The following GALNT13 variants were observed in gnomAD, a reference collection of about 807,000 sequenced individuals.
GALNT13 encodes the protein UDP-GalNAc:polypeptide N-acetylgalactosaminyltransferase 13.
In GALNT13, 28 loss-of-function variants were observed where a neutral mutation model predicts 64.2. The ratio of observed to expected loss-of-function variants is 0.44; its 90% confidence interval spans 0.32 to 0.60. The LOEUF (loss-of-function observed/expected upper bound fraction) is 0.60, where lower values mean the gene tolerates loss of function less well. Ranked by LOEUF, GALNT13 falls within the 20% of genes least tolerant of loss-of-function variation. The probability of loss-of-function intolerance (pLI) is 0.05; values close to 1 mark genes in which losing one functional copy is unlikely to be tolerated. For missense variants in GALNT13, 577 were observed against 669.8 expected, an observed-to-expected ratio of 0.86 and a Z score of 1.53; for synonymous variants, 214 against 224.6, an observed-to-expected ratio of 0.95 and a Z score of 0.42.
chr2:153,397,009 A>T, the GALNT13 span, among the ~76,000 whole-genome samples: 1 of 152,134 alleles, frequency 6.6e-6, no homozygotes, highest in African/African-American at 2.4e-5. Context: ...GCAAGCTATG[A>T]TGGAACAGTG....
the GALNT13 span, among the ~76,000 whole-genome samples, chr2:153,562,060 C>CTCTG: frequency 3.5e-3 from 419 of 118,926 alleles, 1 homozygote; most frequent in African/African-American, 5.1e-3. Context: ...CTCTCTCTCT[C>CTCTG]TGTGTGTGTG....
At chr2:153,831,556 C>T in the GALNT13 span, among the ~76,000 whole-genome samples, 1 of 152,172 alleles carries the variant, frequency 6.6e-6, no homozygotes, top group African/African-American at 2.4e-5. Context: ...TCAGCCTCAT[C>T]ACGCCTCAGC....
chr2:153,711,651 A>G, the GALNT13 span, among the ~76,000 whole-genome samples: 7 of 152,182 alleles, frequency 4.6e-5, no homozygotes, highest in Non-Finnish European at 8.8e-5. Context: ...AGTTAGTAGT[A>G]GTACCAAATA....
At chr2:154,350,494 G>A (rs1696332590) in intron 9 of GALNT13, among the ~76,000 whole-genome samples, 1 of 152,244 alleles carries the variant, frequency 6.6e-6, no homozygotes, top group African/African-American at 2.4e-5. Flanking sequence ...TTCAGCCACA[G>A]ATTGAAGGCT....
chr2:153,706,908 C>T, the GALNT13 span, among the ~76,000 whole-genome samples: 8 of 152,264 alleles, frequency 5.3e-5, no homozygotes, highest in South Asian at 2.1e-4. Context: ...GCTGTCTCCC[C>T]GCTCAAATCT....
chr2:154,133,100 G>T (rs564560520), intron 3 of GALNT13, among the ~76,000 whole-genome samples: 1 of 152,044 alleles, frequency 6.6e-6, no homozygotes, highest in Non-Finnish European at 1.5e-5. Context: ...TAAACTAAAC[G>T]GTGAAATTAT....
At chr2:153,651,913 A>G in the GALNT13 span, among the ~76,000 whole-genome samples, 1 of 152,168 alleles carries the variant, frequency 6.6e-6, no homozygotes, top group Non-Finnish European at 1.5e-5. Context: ...ACCAACTTCA[A>G]CATAATGTTT....
chr2:153,402,183 A>C, the GALNT13 span, among the ~76,000 whole-genome samples: 2 of 148,392 alleles, frequency 1.3e-5, no homozygotes, highest in Non-Finnish European at 3.0e-5. Context: ...TCCTTCACTT[A>C]TGAAGCTTAG....
chr2:154,196,670 G>C (rs1686895603), intron 4 of GALNT13, among the ~76,000 whole-genome samples: 1 of 152,194 alleles, frequency 6.6e-6, no homozygotes, highest in South Asian at 2.1e-4. Flanking sequence ...ACTGTTAAGT[G>C]AGTTTGTTTT....
chr2:154,160,804 G>A (rs1345504731), intron 4 of GALNT13, among the ~76,000 whole-genome samples: 2 of 152,068 alleles, frequency 1.3e-5, no homozygotes, highest in African/African-American at 2.4e-5. Flanking sequence ...TGTACCTAAC[G>A]CCTTTAAATT....
chr2:154,413,776 C>G (rs1268595623), intron 11 of GALNT13, among the ~76,000 whole-genome samples: 5 of 152,036 alleles, frequency 3.3e-5, no homozygotes, highest in Non-Finnish European at 7.4e-5. Context: ...CATTTGCTAG[C>G]TATTCATTAG....
chr2:153,555,446 G>C, the GALNT13 span, among the ~76,000 whole-genome samples: 1 of 104,568 alleles, frequency 9.6e-6, no homozygotes, highest in African/African-American at 3.9e-5. Context: ...CGCCCGCCTC[G>C]GCCTCCCAAA....
At chr2:153,176,782 A>G in the GALNT13 span, among the ~76,000 whole-genome samples, 1 of 151,734 alleles carries the variant, frequency 6.6e-6, no homozygotes, top group Non-Finnish European at 1.5e-5. Context: ...AAAAAAAAAA[A>G]AAAAAGATGC....
At chr2:154,085,208 C>A (rs922761684) in intron 3 of GALNT13, among the ~76,000 whole-genome samples, 4 of 151,966 alleles carry the variant, frequency 2.6e-5, no homozygotes, top group Non-Finnish European at 5.9e-5. Context: ...CAAATCATAT[C>A]TTTTAAGAAG....
At chr2:153,299,666 G>A in the GALNT13 span, among the ~76,000 whole-genome samples, 1 of 152,208 alleles carries the variant, frequency 6.6e-6, no homozygotes, top group Non-Finnish European at 1.5e-5. Flanking sequence ...AGTCAAGGGA[G>A]CTTGTGGACA....
chr2:153,125,031 G>C, the GALNT13 span, among the ~76,000 whole-genome samples: 1 of 152,018 alleles, frequency 6.6e-6, no homozygotes, highest in Non-Finnish European at 1.5e-5. Context: ...AAAAATACAG[G>C]ATTACCAATT....
At chr2:153,940,495 G>T (rs1335715077) in intron 2 of GALNT13, among the ~76,000 whole-genome samples, 1 of 151,958 alleles carries the variant, frequency 6.6e-6, no homozygotes. Flanking sequence ...TACTTCAGGT[G>T]ATCTACCTGC....
the GALNT13 span, among the ~76,000 whole-genome samples, chr2:153,261,055 T>A: frequency 6.6e-6 from 1 of 152,158 alleles, no homozygotes; most frequent in Middle Eastern, 3.2e-3. Flanking sequence ...TTCTTTTTCA[T>A]TATTTTTATT....
the GALNT13 span, among the ~76,000 whole-genome samples, chr2:153,270,373 C>A: frequency 6.6e-6 from 1 of 152,110 alleles, no homozygotes; most frequent in Admixed American, 6.6e-5. Context: ...ATTTAAGGAT[C>A]AATTATTTGT....
Sources: allele counts gnomAD v4.1 joint callset (sites outside exome capture counted in the v4.1 genomes callset), GRCh38; gene constraint gnomAD v4.1.1; transcripts MANE v1.5; gene names NCBI Gene and HGNC (gene_info 2026-07-23, HGNC 2026-07-21).